FFAR4: variants seen among roughly 807,000 people sequenced by gnomAD.
FFAR4 encodes G-protein coupled receptor 120.
Under a neutral mutation model 27.0 loss-of-function variants are expected in FFAR4, and 19 were observed. The ratio of observed to expected loss-of-function variants is 0.70; its 90% confidence interval spans 0.49 to 1.03. The LOEUF (loss-of-function observed/expected upper bound fraction) is 1.03. FFAR4 is among the 50% of genes least tolerant of loss of function. The pLI, the probability that FFAR4 is intolerant of heterozygous loss-of-function variation, is 0.00. For synonymous variants in FFAR4, 254 were observed against 215.6 expected, an observed-to-expected ratio of 1.18 and a Z score of -1.56; for missense variants, 476 against 479.0, an observed-to-expected ratio of 0.99 and a Z score of 0.06.
chr10:93,572,657 C>G (rs1242285237), intron 1 of FFAR4, among the ~76,000 whole-genome samples: 3 of 152,242 alleles, frequency 2.0e-5, no homozygotes, highest in South Asian at 2.1e-4. Context: ...AAGGCCAGTG[C>G]TCAGGTTTCT....
intron 1 of FFAR4, among the ~76,000 whole-genome samples, chr10:93,568,440 C>T (rs887197069): frequency 2.6e-5 from 4 of 152,182 alleles, no homozygotes; most frequent in African/African-American, 4.8e-5. Flanking sequence ...GCTCCCTCTC[C>T]ACCTAGGAGT....
rs1033616705 is a variant in FFAR4, at chr10:93,576,016, A to G, written c.568-75A>G. 6 of 1,474,568 alleles carry G rather than the reference A, an allele frequency of 4.1e-6. No homozygotes were observed. In the Admixed American group the frequency reaches 8.6e-5, roughly 21 times the overall value. 91.3% of individuals were successfully genotyped at this position (1,474,568 alleles called of 1,614,324 possible). A position where few individuals can be genotyped will look rare whatever the true frequency, so the allele number is the denominator to read the frequency against. On this transcript the variant is annotated intron_variant, in intron 1 of 2. Transcript: ENST00000371481. ...AATGCAACCGTGTAAGTGTCAGGAA[A>G]CCCTCAATAAGACTGAGCCAGAGGC...
At chr10:93,567,488 G>A (rs1223811925) in intron 1 of FFAR4, among the ~76,000 whole-genome samples, 1 of 152,238 alleles carries the variant, frequency 6.6e-6, no homozygotes, top group Non-Finnish European at 1.5e-5. Flanking sequence ...CCTCCTAAAT[G>A]ATGTAAGTGG....
intron 1 of FFAR4, among the ~76,000 whole-genome samples, chr10:93,570,314 A>G (rs1029988453): frequency 6.6e-6 from 1 of 151,224 alleles, no homozygotes; most frequent in African/African-American, 2.4e-5. Flanking sequence ...TAGGTTCAGC[A>G]GTTGAAGAAA....
In FFAR4 at chr10:93,587,379, C is replaced by T; in HGVS notation, c.856C>T (p.Leu286Phe). The T allele has an allele frequency of 1.2e-6, 2 of 1,614,110 alleles. No individual in the cohort carries two copies. Among genetic ancestry groups the T allele is most frequent in the South Asian group, 1.1e-5 (1 of 91,060 alleles). The part of the protein sequence containing the change: ...MWSPIIITIL[L>F]ILIQNFKQDL... ...GAGCCCCATCATCATCACCATCCTC[C>T]TCATCCTGATCCAGAACTTCAAGCA... is the stretch of plus-strand genomic sequence containing the variant. Residue 286 changes from leucine to phenylalanine, a missense_variant, in exon 3 of 3, where the codon CTC (leucine) becomes TTC (phenylalanine). By Grantham distance (22) the Leu-to-Phe change is conservative (BLOSUM62 0). Coordinates refer to ENST00000371481, the MANE Select transcript of FFAR4 (RefSeq NM_001195755.2).
In FFAR4 at chr10:93,587,146, CTT is replaced by C. The variant is rs113683100; in HGVS notation, c.697-73_697-72del. ...GCCTTGGGGATAGCAGATTCCAACT[CTT>C]GGGCCCCTAACTCAAAATCCCCAAC... On this transcript the variant is annotated intron_variant, in intron 2 of 2. Coordinates refer to ENST00000371481, the MANE Select transcript of FFAR4 (RefSeq NM_001195755.2). 1,406 of 1,369,408 alleles carry C rather than the reference CTT, an allele frequency of 1.0e-3. 6 individuals carry two copies. In the African/African-American group the frequency reaches 0.014, roughly 14 times the overall value. 84.8% of individuals were successfully genotyped at this position (1,369,408 alleles called of 1,614,324 possible).
intron 2 of FFAR4, among the ~76,000 whole-genome samples, chr10:93,584,116 C>G (rs990712979): frequency 6.6e-6 from 1 of 152,242 alleles, no homozygotes; most frequent in Non-Finnish European, 1.5e-5. Context: ...ACAGCCAAGG[C>G]AGCTTCCTTA....
chr10:93,573,067 C>T (rs186450853), intron 1 of FFAR4, among the ~76,000 whole-genome samples: 11 of 152,176 alleles, frequency 7.2e-5, no homozygotes, highest in African/African-American at 2.2e-4. Flanking sequence ...AACAACCCCC[C>T]CTGGGTGGCT....
intron 1 of FFAR4, among the ~76,000 whole-genome samples, chr10:93,572,256 C>G: frequency 6.6e-6 from 1 of 152,084 alleles, no homozygotes; most frequent in Non-Finnish European, 1.5e-5. Context: ...CAGGAAGCTA[C>G]TGGGAGATGG....
chr10:93,586,663 C>A (rs1000959924), intron 2 of FFAR4, among the ~76,000 whole-genome samples: 8 of 152,166 alleles, frequency 5.3e-5, no homozygotes, highest in Admixed American at 2.0e-4. Flanking sequence ...GAAAAAGGAG[C>A]AAGGCCCGGA....
At chr10:93,583,692 A>G (rs55830980) in intron 2 of FFAR4, among the ~76,000 whole-genome samples, 30,355 of 152,132 alleles carry the variant, frequency 0.2, 3,175 homozygotes, top group South Asian at 0.33. Flanking sequence ...GCAGCTTCTT[A>G]GCTGAGTACT....
At chr10:93,579,300 C>T (rs1589677714) in intron 2 of FFAR4, 2 of 1,088,226 alleles carry the variant, frequency 1.8e-6, no homozygotes, top group East Asian at 4.7e-5. Flanking sequence ...TGGTCTGGCC[C>T]CGCTGCCGTT....
Position 93,580,615 on chromosome 10 carries a change from C to T in FFAR4, c.696+4396C>T, listed in dbSNP as rs2058191720. 3.9e-5 allele frequency among the ~76,000 whole-genome samples: 6 copies of T among 152,210 alleles called. No homozygotes were observed. In the South Asian group the frequency reaches 1.2e-3, roughly 32 times the overall value. On this transcript the variant is annotated intron_variant, in intron 2 of 2. Transcript: ENST00000371481. ...TAATAGAATAGGTATCATTGCTAAA[C>T]GTGACTACAGAACCCCCTTTTCTCC...
chr10:93,574,062 T>C (rs2058147723), intron 1 of FFAR4, among the ~76,000 whole-genome samples: 1 of 152,214 alleles, frequency 6.6e-6, no homozygotes. Flanking sequence ...TTTCTGTGCA[T>C]GCGAGCACGT....
intron 2 of FFAR4, among the ~76,000 whole-genome samples, chr10:93,582,415 A>G (rs537162892): frequency 6.4e-4 from 98 of 152,086 alleles, no homozygotes; most frequent in Admixed American, 1.2e-3. Context: ...GTAGTGGTGC[A>G]TGCCTGTAAT....
chr10:93,583,439 G>A (rs1409480819), intron 2 of FFAR4, among the ~76,000 whole-genome samples: 4 of 151,090 alleles, frequency 2.6e-5, no homozygotes, highest in Admixed American at 1.3e-4. Flanking sequence ...AAAGTAGGAC[G>A]CCTGGACATC....
Position 93,587,326 on chromosome 10 carries a change from TC to T in FFAR4, c.805del (p.Leu269SerfsTer20). 1.2e-6 allele frequency: 2 copies of T among 1,614,084 alleles called. No homozygotes were observed. Among genetic ancestry groups the T allele is most frequent in the Non-Finnish European group, 1.7e-6 (2 of 1,180,010 alleles). ...TTCCGGCTCTTCCGCACCCTCTTCC[TC>T]CTCATGGTCTCCTTCTTCATCATGT... Reference protein sequence around the residue: ...QDFRLFRTLFLLMVSFFIMWS... With the variant: ...QDFRLFRTLFXLMVSFFIMWS... On this transcript the variant is annotated frameshift_variant, in exon 3 of 3. Transcript: ENST00000371481. LOFTEE classifies it high-confidence loss of function.
chr10:93,581,164 G>A (rs1172870772), intron 2 of FFAR4, among the ~76,000 whole-genome samples: 1 of 152,212 alleles, frequency 6.6e-6, no homozygotes, highest in African/African-American at 2.4e-5. Flanking sequence ...CATAGCAGGG[G>A]CATATAAATA....
Position 93,587,543 on chromosome 10 carries a change from A to G in FFAR4, c.1020A>G (p.Pro340=). 1 of 1,614,074 alleles carries G rather than the reference A, an allele frequency of 6.2e-7. No individual in the cohort carries two copies. The highest frequency in any genetic ancestry group is 2.2e-5 in the East Asian group (1 of 44,872). ...AAATTTTTTGCTGCTTCTGGTTCCC[A>G]GAAAAGGGAGCCATTTTAACAGACA... The part of the protein sequence containing the change: ...WKKIFCCFWF[P]EKGAILTDTS... The change falls in exon 3 of 3, where the codon CCA becomes CCG. Residue 340 remains proline (P), a synonymous_variant. Coordinates refer to ENST00000371481, the MANE Select transcript of FFAR4 (RefSeq NM_001195755.2).
Sources: allele counts gnomAD v4.1 joint callset (sites outside exome capture counted in the v4.1 genomes callset), GRCh38; gene constraint gnomAD v4.1.1; transcripts MANE v1.5; gene names NCBI Gene and HGNC (gene_info 2026-07-23, HGNC 2026-07-21).